The following PLXNC1 variants were observed in gnomAD, a reference collection of about 807,000 sequenced individuals.
PLXNC1 encodes the protein plexin C1.
Under a neutral mutation model 178.2 loss-of-function variants are expected in PLXNC1, and 75 were observed. The ratio of observed to expected loss-of-function variants is 0.42; its 90% CI spans 0.35 to 0.51. The LOEUF is 0.51. Among genes scored for constraint, PLXNC1 ranks in the 20% least tolerant of loss-of-function variants. The pLI is 0.02. For synonymous variants in PLXNC1, 790 were observed against 779.9 expected, an observed-to-expected ratio of 1.01 and a Z score of -0.22; for missense variants, 1,503 against 1,984.4, an observed-to-expected ratio of 0.76 and a Z score of 4.61.
chr12:94,186,805 T>A, intron 4 of PLXNC1: 1 of 243,730 alleles, frequency 4.1e-6, no homozygotes, highest in Non-Finnish European at 8.4e-6. Context: ...GGGCCCCCCC[T>A]CCGAGAAGAT....
chr12:94,150,363 G>C (rs1960912668), intron 1 of PLXNC1, among the ~76,000 whole-genome samples: 1 of 152,194 alleles, frequency 6.6e-6, no homozygotes, highest in African/African-American at 2.4e-5. Flanking sequence ...GTCTCCTCGC[G>C]CAGCCCCTCT....
rs1757513828 is a variant in PLXNC1 at position 94,306,986 on chromosome 12, A to G, written c.*1701A>G. The G allele has an allele frequency of 1.3e-5, 2 of 152,250 alleles. No individual in the cohort carries two copies. Among genetic ancestry groups the G allele is most frequent in the Admixed American group, 1.3e-4 (2 of 15,276 alleles). The allele number at this position is 152,250 out of a possible 1,614,324, so 9.4% of individuals were successfully genotyped here. Reference sequence around the variant, plus strand: ...AGTCTTCAAAGAGGTGAAGGAGTTCATAAGAGAACAACAGTAGGAAAGTTG... The same window carrying G: ...AGTCTTCAAAGAGGTGAAGGAGTTCGTAAGAGAACAACAGTAGGAAAGTTG... On this transcript the variant is annotated 3_prime_UTR_variant, in exon 31 of 31. Transcript: ENST00000258526.
At chr12:94,248,691 T>A (rs1964597913) in intron 14 of PLXNC1, among the ~76,000 whole-genome samples, 1 of 152,172 alleles carries the variant, frequency 6.6e-6, no homozygotes, top group Non-Finnish European at 1.5e-5. Flanking sequence ...ATTTATACAG[T>A]AGGATCGGCA....
chr12:94,261,636 G>A (rs1565836465), intron 20 of PLXNC1, among the ~76,000 whole-genome samples: 1 of 152,166 alleles, frequency 6.6e-6, no homozygotes, highest in Non-Finnish European at 1.5e-5. Context: ...GCCCTCTGAG[G>A]CCCCTGGTAC....
intron 21 of PLXNC1, among the ~76,000 whole-genome samples, chr12:94,266,225 C>A (rs1965231497): frequency 6.6e-6 from 1 of 152,170 alleles, no homozygotes; most frequent in African/African-American, 2.4e-5. Context: ...TGGTTATGTC[C>A]TCTGGTGGGA....
chr12:94,212,135 G>A (rs933810930), intron 5 of PLXNC1, among the ~76,000 whole-genome samples: 1 of 151,770 alleles, frequency 6.6e-6, no homozygotes, highest in Admixed American at 6.6e-5. Context: ...TTAGCCGGGC[G>A]TGGTGGCGGG....
At chr12:94,162,428 G>T (rs918509145) in intron 1 of PLXNC1, among the ~76,000 whole-genome samples, 23 of 152,198 alleles carry the variant, frequency 1.5e-4, no homozygotes, top group Non-Finnish European at 8.8e-5. Flanking sequence ...TCAGCTCAGG[G>T]AGAGTCTGGG....
chr12:94,265,145 G>A lies in PLXNC1; in HGVS notation c.3517G>A (p.Val1173Met), dbSNP rs541936661. The part of the protein sequence containing the change: ...TLNQKINKGP[V>M]DVITCKALYT... Reference sequence around the variant, plus strand: ...GAACCAGAAAATTAACAAGGGTCCCGTGGATGTAATCACTTGCAAAGCCCT... The same window carrying A: ...GAACCAGAAAATTAACAAGGGTCCCATGGATGTAATCACTTGCAAAGCCCT... Residue 1173 changes from valine to methionine, a missense_variant, in exon 21 of 31, where the codon GTG becomes ATG. Val to Met is a conservative substitution (Grantham distance 21). Around this residue, in one of 4 missense-constraint regions of PLXNC1, gnomAD observed 639 missense variants for 979.7 expected, o/e 0.65. Coordinates refer to ENST00000258526, the MANE Select transcript of PLXNC1 (RefSeq NM_005761.3). 5.1e-5 allele frequency: 83 copies of A among 1,613,998 alleles called. No homozygotes were observed. The highest frequency in any genetic ancestry group is 1.6e-4 in the Middle Eastern group (1 of 6,084).
rs1962512863 is a variant in PLXNC1 at position 94,186,491 on chromosome 12, T to C, written c.1439+18T>C. 6.5e-7 allele frequency: 1 copy of C among 1,542,470 alleles called. No individual in the cohort carries two copies. Among genetic ancestry groups the C allele is most frequent in the Admixed American group, 1.7e-5 (1 of 59,784 alleles). On this transcript the variant is annotated intron_variant, in intron 4 of 30. Coordinates refer to ENST00000258526, the MANE Select transcript of PLXNC1 (RefSeq NM_005761.3). ...CTACAAAGGTATCTCCTGAATTCTT[T>C]CTCACCAACTCGCATTTTTGAAAAA...
Position 94,256,844 on chromosome 12 carries a change from CAAA to C in PLXNC1, c.3087+1566_3087+1568del, listed in dbSNP as rs35718233. 3.6e-3 allele frequency among the ~76,000 whole-genome samples: 394 copies of C among 110,978 alleles called. 2 individuals are homozygous for C. Among genetic ancestry groups the C allele is most frequent in the Non-Finnish European group, 4.6e-3 (248 of 53,678 alleles). The allele number at this position is 110,978 out of a possible 152,430, so 72.8% of individuals were successfully genotyped here. A position where few individuals can be genotyped will look rare whatever the true frequency, so the allele number is the denominator to read the frequency against. ...AACACTGTTGCAAGTTGAGTGTTTC[CAAA>C]AAAAAAAAAAAAAAAAAGATCCCAG... On this transcript the variant is annotated intron_variant, in intron 17 of 30. Transcript: ENST00000258526.
chr12:94,198,709 C>T (rs1367551894), intron 4 of PLXNC1, among the ~76,000 whole-genome samples: 3 of 152,134 alleles, frequency 2.0e-5, no homozygotes, highest in African/African-American at 2.4e-5. Context: ...CTCCCAGCTC[C>T]GGGTGACTCC....
At chr12:94,235,829 G>T (rs1964225887) in intron 9 of PLXNC1, among the ~76,000 whole-genome samples, 1 of 152,130 alleles carries the variant, frequency 6.6e-6, no homozygotes, top group Admixed American at 6.5e-5. Context: ...TACAAAAGCA[G>T]GTAGCGGGCA....
At chr12:94,189,231 C>A (rs544537819) in intron 4 of PLXNC1, among the ~76,000 whole-genome samples, 2 of 152,158 alleles carry the variant, frequency 1.3e-5, no homozygotes, top group East Asian at 3.9e-4. Context: ...GGCCAGGGAG[C>A]TGAGGGAGCA....
chr12:94,193,813 G>A (rs1468796237), intron 4 of PLXNC1, among the ~76,000 whole-genome samples: 2 of 152,206 alleles, frequency 1.3e-5, no homozygotes, highest in Non-Finnish European at 2.9e-5. Context: ...CGGTTACTGA[G>A]TAGGGAGTGT....
Position 94,149,835 on chromosome 12 carries a change from C to T in PLXNC1, c.864C>T (p.Pro288=), listed in dbSNP as rs1204610208. 1.3e-6 allele frequency: 2 copies of T among 1,588,952 alleles called. No individual in the cohort carries two copies. Among genetic ancestry groups the T allele is most frequent in the South Asian group, 2.3e-5 (2 of 88,378 alleles). Residue 288 remains proline (P), a synonymous_variant, in exon 1 of 31, where the codon CCC becomes CCT. Transcript: ENST00000258526. ...CCCTCGACTGCGGCCACGGCCACCC[C>T]GACGGCCGCCGCCTGCTCCTCTCCT... ...QASLDCGHGH[P]DGRRLLLSSS... is the part of the protein sequence containing the mutation.
At chr12:94,168,565 A>C (rs1032107403) in intron 1 of PLXNC1, among the ~76,000 whole-genome samples, 2 of 152,090 alleles carry the variant, frequency 1.3e-5, no homozygotes, top group Non-Finnish European at 2.9e-5. Flanking sequence ...GTTCCTCCTT[A>C]GCTCTGTGGC....
At chr12:94,204,311 A>T (rs1448276609) in intron 4 of PLXNC1, among the ~76,000 whole-genome samples, 2 of 152,232 alleles carry the variant, frequency 1.3e-5, no homozygotes, top group Non-Finnish European at 2.9e-5. Context: ...GGAACCAGCT[A>T]TGCCTCAGTT....
chr12:94,294,603 C>A, intron 24 of PLXNC1, 63 bp downstream of exon 24: 2 of 724,880 alleles, frequency 2.8e-6, no homozygotes, highest in Non-Finnish European at 2.4e-6. Flanking sequence ...TTGCTTTTTG[C>A]CTCTCTCAGC....
At chr12:94,241,977 T>TA (rs779990678) in intron 11 of PLXNC1, among the ~76,000 whole-genome samples, 3,102 of 141,754 alleles carry the variant, frequency 0.022, 88 homozygotes, top group African/African-American at 0.061. Context: ...AAAGCTTTGT[T>TA]AAAAAAAAAA....
Sources: gnomAD v4.1 joint callset for allele counts (sites outside exome capture counted in the v4.1 genomes callset) on GRCh38, gnomAD v4.1.1 for gene constraint, gnomAD v4.1.1 regional missense constraint, MANE v1.5 for transcripts, NCBI Gene and HGNC (gene_info 2026-07-23, HGNC 2026-07-21) for gene names.